The following TRIP12 variants were observed in gnomAD, a reference collection of about 807,000 sequenced individuals.
TRIP12 encodes the protein thyroid hormone receptor interactor 12.
In TRIP12, 25 loss-of-function variants were observed where a neutral mutation model predicts 244.2. That is an observed-to-expected ratio of 0.10 (90% CI 0.07 to 0.14). The LOEUF is 0.14. TRIP12 is among the 10% of genes least tolerant of loss of function. The probability of loss-of-function intolerance (pLI) is 1.00; values close to 1 mark genes in which losing one functional copy is unlikely to be tolerated. For synonymous variants in TRIP12, 905 were observed against 873.1 expected (o/e 1.04, Z -0.64); for missense variants, 1,677 against 2,486.4 (o/e 0.67, Z 6.92).
In TRIP12 at chr2:229,792,071, T is replaced by C; in HGVS notation, c.4216-6A>G. 1.2e-6 allele frequency: 2 copies of C among 1,614,088 alleles called. No homozygotes were observed. The highest frequency in any genetic ancestry group is 1.1e-5 in the South Asian group (1 of 91,076). The stretch of plus-strand genomic sequence containing the variant: ...GAATTTAGGAACTGAGCAGCCTGAA[T>C]AAAGCAAAGCAAAAGCCATTTAAGC... On this transcript the variant is annotated splice_polypyrimidine_tract_variant and splice_region_variant and intron_variant, in intron 28 of 41. Coordinates refer to ENST00000675903, the MANE Select transcript of TRIP12 (RefSeq NM_001348323.3).
intron 20 of TRIP12, 130 bp from the exon 21 acceptor site, chr2:229,802,589 G>A: frequency 3.5e-6 from 2 of 574,700 alleles, no homozygotes; most frequent in Non-Finnish European, 5.6e-6. Flanking sequence ...CTGGCAAATA[G>A]GTAAAAGAAA....
chr2:229,829,419 A>T lies in TRIP12; in HGVS notation c.1355-131T>A. 4.5e-6 allele frequency: 3 copies of T among 670,788 alleles called. No individual in the cohort carries two copies. In the South Asian group the frequency reaches 6.6e-5, roughly 15 times the overall value. The allele number at this position is 670,788 out of a possible 1,614,324, so 41.6% of individuals were successfully genotyped here. A position where few individuals can be genotyped will look rare whatever the true frequency, so the allele number is the denominator to read the frequency against. Reference sequence around the variant, plus strand: ...ATGTTACTTTGCTTTCTGGACTTTTAAGAGAAGCTACAAACTTTCAAGACC... The same window carrying T: ...ATGTTACTTTGCTTTCTGGACTTTTTAGAGAAGCTACAAACTTTCAAGACC... On this transcript the variant is annotated intron_variant, in intron 7 of 41. Coordinates refer to ENST00000675903, the MANE Select transcript of TRIP12 (RefSeq NM_001348323.3).
At chr2:229,900,564 A>C (rs887877021) in intron 1 of TRIP12, among the ~76,000 whole-genome samples, 1 of 152,178 alleles carries the variant, frequency 6.6e-6, no homozygotes, top group African/African-American at 2.4e-5. Context: ...AATTTAACCT[A>C]AAAGTTAATA....
rs145505091 is a variant in TRIP12, at chr2:229,812,743, C to T, written c.1986+1127G>A. ...ATCGCTTGAACCAGGGAGGCAGAGG[C>T]TGCAGTGAGATCACGCCACTGCACT... On this transcript the variant is annotated intron_variant, in intron 13 of 41. Transcript: ENST00000675903. 7.9e-3 allele frequency among the ~76,000 whole-genome samples: 1,210 copies of T among 152,226 alleles called. 24 individuals are homozygous for T. The highest frequency in any genetic ancestry group is 0.028 in the African/African-American group (1,184 of 41,552).
intron 5 of TRIP12, among the ~76,000 whole-genome samples, chr2:229,837,343 T>C (rs1289673409): frequency 1.3e-5 from 2 of 152,120 alleles, no homozygotes; most frequent in African/African-American, 4.8e-5. Context: ...TGGATTAATA[T>C]ATTAATGCTG....
Position 229,804,136 on chromosome 2 carries a change from AAAT to A in TRIP12, c.2739_2741del (p.Leu913del), listed in dbSNP as rs2045213334. The stretch of plus-strand genomic sequence containing the variant: ...AACTATACACTTCATAAAGAACACC[AAAT>A]AATGTCTTAATAAAAGACTTAGCCA... On this transcript the variant is annotated inframe_deletion, in exon 19 of 42. Transcript: ENST00000675903. 6.2e-7 allele frequency: 1 copy of A among 1,614,030 alleles called. No individual in the cohort carries two copies. Among genetic ancestry groups the A allele is most frequent in the Non-Finnish European group, 8.5e-7 (1 of 1,180,008 alleles).
At position 229,852,495 on chromosome 2, in the gene TRIP12, C is replaced by T. The variant is rs868493540; in HGVS notation, c.1027+6277G>A. On this transcript the variant is annotated intron_variant, in intron 4 of 41. Transcript: ENST00000675903. ...TGAAGCCATCTATATCATTATATTA[C>T]CCTACTGGTTTTATATTTATGCTGT... Among the ~76,000 whole-genome samples, 60 of 152,016 alleles carry T rather than the reference C, an allele frequency of 3.9e-4. 1 individual carries two copies. In the Middle Eastern group the frequency reaches 0.024, roughly 60 times the overall value.
At position 229,903,018 on chromosome 2, in the gene TRIP12, C is replaced by CTTTTTTTTTTTT. The variant is rs57794819; in HGVS notation, c.-50+18850_-50+18861dup. ...GGTTTTTTTTTCTTTTTCTTTTTTTCTTTTTTTTTTTTTTTTTTGCCAGAA... is the reference window on the plus strand; with the variant it reads ...GGTTTTTTTTTCTTTTTCTTTTTTTCTTTTTTTTTTTTTTTTTTTTTTTTTTTTTTGCCAGAA... On this transcript the variant is annotated intron_variant, in intron 1 of 41. Transcript: ENST00000675903. 1.3e-3 allele frequency among the ~76,000 whole-genome samples: 138 copies of CTTTTTTTTTTTT among 104,732 alleles called. 1 individual carries two copies. Among genetic ancestry groups the CTTTTTTTTTTTT allele is most frequent in the Non-Finnish European group, 1.8e-3 (89 of 48,558 alleles). 68.7% of individuals were successfully genotyped at this position (104,732 alleles called of 152,430 possible).
intron 39 of TRIP12, among the ~76,000 whole-genome samples, chr2:229,770,306 A>G (rs999947864): frequency 1.3e-5 from 2 of 152,066 alleles, no homozygotes; most frequent in African/African-American, 4.8e-5. Context: ...GGTTATTCCA[A>G]TTTTACAGAT....
intron 8 of TRIP12, among the ~76,000 whole-genome samples, chr2:229,828,002 G>A (rs2052217093): frequency 1.3e-5 from 2 of 152,176 alleles, no homozygotes; most frequent in South Asian, 4.1e-4. Flanking sequence ...GCTAGATGAT[G>A]AGCATTTTTC....
intron 2 of TRIP12, among the ~76,000 whole-genome samples, chr2:229,869,682 A>C (rs901224298): frequency 3.9e-5 from 6 of 152,196 alleles, no homozygotes; most frequent in Non-Finnish European, 7.3e-5. Context: ...AATGAATATA[A>C]TCTTATACTG....
Position 229,810,117 on chromosome 2 carries a change from T to C in TRIP12, c.2221+763A>G, listed in dbSNP as rs570765979. 2.0e-5 allele frequency among the ~76,000 whole-genome samples: 3 copies of C among 152,278 alleles called. 1 individual carries two copies. In the South Asian group the frequency reaches 6.2e-4, roughly 32 times the overall value. ...GCTCATGCCTATAATCCTAGTACTA[T>C]GGGAGGCCAAGGCGGGAGGAAGGCC... On this transcript the variant is annotated intron_variant, in intron 15 of 41. Transcript: ENST00000675903.
chr2:229,914,560 T>C (rs931480573), intron 1 of TRIP12, among the ~76,000 whole-genome samples: 6 of 152,222 alleles, frequency 3.9e-5, no homozygotes, highest in African/African-American at 9.7e-5. Context: ...TGGGCTACTG[T>C]GAAAACTCAC....
At chr2:229,863,140 A>G (rs1048873383) in intron 2 of TRIP12, among the ~76,000 whole-genome samples, 4 of 151,748 alleles carry the variant, frequency 2.6e-5, no homozygotes, top group African/African-American at 7.3e-5. Flanking sequence ...GAGGCAGAAG[A>G]ATTGCTTGAA....
At chr2:229,881,941 G>A (rs2064973963) in intron 1 of TRIP12, among the ~76,000 whole-genome samples, 1 of 152,184 alleles carries the variant, frequency 6.6e-6, no homozygotes, top group Admixed American at 6.5e-5. Context: ...GAGACTGATT[G>A]TCAATTTATA....
intron 26 of TRIP12, chr2:229,793,356 C>T: frequency 2.5e-6 from 1 of 401,118 alleles, no homozygotes; most frequent in Non-Finnish European, 4.5e-6. Flanking sequence ...GATGTGTATG[C>T]ATGCATATGA....
At chr2:229,919,196 C>T (rs989821992) in intron 1 of TRIP12, among the ~76,000 whole-genome samples, 1 of 152,120 alleles carries the variant, frequency 6.6e-6, no homozygotes, top group Admixed American at 6.5e-5. Context: ...GGCGGATCAC[C>T]TGAGAGGTCG....
chr2:229,837,220 T>A (rs572482657), intron 5 of TRIP12, among the ~76,000 whole-genome samples: 1 of 152,220 alleles, frequency 6.6e-6, no homozygotes, highest in Non-Finnish European at 1.5e-5. Context: ...GCTGTTGTCA[T>A]CCTCAGAAAC....
chr2:229,819,557 T>C (rs1478307040), intron 8 of TRIP12, among the ~76,000 whole-genome samples: 1 of 152,086 alleles, frequency 6.6e-6, no homozygotes, highest in South Asian at 2.1e-4. Flanking sequence ...AATTAATTAA[T>C]TAATTTTAAA....
Sources: allele counts gnomAD v4.1 joint callset (sites outside exome capture counted in the v4.1 genomes callset), GRCh38; gene constraint gnomAD v4.1.1; transcripts MANE v1.5; gene names NCBI Gene and HGNC (gene_info 2026-07-23, HGNC 2026-07-21).